The following PTPRN2 variants were observed in gnomAD, a reference collection of about 807,000 sequenced individuals.
PTPRN2 encodes receptor-type tyrosine-protein phosphatase N2.
Under a neutral mutation model 118.8 loss-of-function variants are expected in PTPRN2, and 74 were observed. The ratio of observed to expected loss-of-function variants is 0.62; its 90% confidence interval spans 0.52 to 0.76. The LOEUF (loss-of-function observed/expected upper bound fraction) is 0.76, where lower values mean the gene tolerates loss of function less well. PTPRN2 is among the 30% of genes least tolerant of loss of function. The pLI is 0.00. For synonymous variants in PTPRN2, 641 were observed against 608.0 expected, an observed-to-expected ratio of 1.05 and a Z score of -0.80; for missense variants, 1,481 against 1,394.4, an observed-to-expected ratio of 1.06 and a Z score of -0.99.
At chr7:158,253,666 C>T (rs1035088050) in intron 3 of PTPRN2, among the ~76,000 whole-genome samples, 4 of 152,134 alleles carry the variant, frequency 2.6e-5, no homozygotes, top group Middle Eastern at 3.2e-3. Flanking sequence ...GGCACACAGG[C>T]GAGGCAAGAC....
chr7:158,313,265 C>T (rs1802023100), intron 3 of PTPRN2, among the ~76,000 whole-genome samples: 1 of 152,174 alleles, frequency 6.6e-6, no homozygotes, highest in Admixed American at 6.5e-5. Context: ...ACAGGGTCGT[C>T]CTCCTGCCAC....
intron 2 of PTPRN2, among the ~76,000 whole-genome samples, chr7:158,410,749 G>C (rs77423314): frequency 6.6e-6 from 1 of 152,186 alleles, no homozygotes; most frequent in African/African-American, 2.4e-5. Context: ...TGGATCCAGG[G>C]TGGGCCCTAA....
At chr7:158,144,471 C>T (rs1206345191) in intron 6 of PTPRN2, among the ~76,000 whole-genome samples, 1 of 152,202 alleles carries the variant, frequency 6.6e-6, no homozygotes, top group East Asian at 1.9e-4. Flanking sequence ...AACTCCATCT[C>T]TACTAAAAAT....
At chr7:157,823,558 C>T (rs1806983440) in intron 12 of PTPRN2, among the ~76,000 whole-genome samples, 1 of 152,190 alleles carries the variant, frequency 6.6e-6, no homozygotes, top group South Asian at 2.1e-4. Flanking sequence ...TAGAATTGGA[C>T]TCCTAGGATC....
At chr7:158,387,834 G>A (rs1029470849) in intron 2 of PTPRN2, among the ~76,000 whole-genome samples, 7 of 152,152 alleles carry the variant, frequency 4.6e-5, no homozygotes, top group Admixed American at 6.5e-5. Flanking sequence ...ACAAGAGGCT[G>A]CAGCAGGAAC....
chr7:158,251,616 G>A (rs1585987787), intron 3 of PTPRN2, among the ~76,000 whole-genome samples: 1 of 120,486 alleles, frequency 8.3e-6, no homozygotes, highest in African/African-American at 3.3e-5. Context: ...GGCGTGTGCA[G>A]GTGTGCAATG....
intron 3 of PTPRN2, among the ~76,000 whole-genome samples, chr7:158,261,532 G>C (rs373268986): frequency 2.0e-5 from 3 of 152,180 alleles, no homozygotes; most frequent in Admixed American, 6.5e-5. Flanking sequence ...GAAGGGAAGG[G>C]ATGGCTCCCC....
chr7:157,997,513 G>A (rs2128854740), intron 11 of PTPRN2, among the ~76,000 whole-genome samples: 1 of 152,342 alleles, frequency 6.6e-6, no homozygotes, highest in East Asian at 1.9e-4. Flanking sequence ...GGGCTGGAAG[G>A]GCCACAGGTG....
At chr7:157,716,714 C>T (rs1798934127) in intron 12 of PTPRN2, among the ~76,000 whole-genome samples, 1 of 54,534 alleles carries the variant, frequency 1.8e-5, no homozygotes. Flanking sequence ...TCTGCGGGAA[C>T]ACTGCCTGGC....
At chr7:158,390,059 C>A (rs769683395) in intron 2 of PTPRN2, among the ~76,000 whole-genome samples, 3 of 152,258 alleles carry the variant, frequency 2.0e-5, no homozygotes, top group Non-Finnish European at 4.4e-5. Flanking sequence ...CAAACGTCTA[C>A]ACGATACTCA....
In PTPRN2 at chr7:157,874,510, C is replaced by T. The variant is rs369870397; in HGVS notation, c.1788+24163G>A. On this transcript the variant is annotated intron_variant, in intron 12 of 22. Coordinates refer to ENST00000389418, the MANE Select transcript of PTPRN2 (RefSeq NM_002847.5). The surrounding 1 kb of genome is among the most constrained non-coding windows in gnomAD (Gnocchi z 5.8). The stretch of plus-strand genomic sequence containing the variant: ...CATGTTCACAAGGAAGTTCATGTCC[C>T]CCTTAACTCGAGCTTTTATTTCAGT... 2.4e-4 allele frequency among the ~76,000 whole-genome samples: 36 copies of T among 152,314 alleles called. No individual in the cohort carries two copies. The highest frequency in any genetic ancestry group is 7.5e-4 in the African/African-American group (31 of 41,564).
chr7:158,052,547 T>C (rs1217033271), intron 11 of PTPRN2, among the ~76,000 whole-genome samples: 1 of 152,138 alleles, frequency 6.6e-6, no homozygotes, highest in Non-Finnish European at 1.5e-5. Context: ...CGGCCGCTGC[T>C]TTGCCTCGTG....
At chr7:157,626,921 C>G (rs1358122399) in intron 14 of PTPRN2, among the ~76,000 whole-genome samples, 1 of 152,204 alleles carries the variant, frequency 6.6e-6, no homozygotes, top group African/African-American at 2.4e-5. Flanking sequence ...TCTGGGGTTG[C>G]CCAGCAAACA....
chr7:158,072,124 G>A (rs955831990), intron 11 of PTPRN2, among the ~76,000 whole-genome samples: 16 of 148,184 alleles, frequency 1.1e-4, no homozygotes, highest in African/African-American at 3.0e-4. Flanking sequence ...GGTGGTGGAG[G>A]TGCTCATGTA....
chr7:158,447,402 A>C (rs1187435562), intron 2 of PTPRN2, among the ~76,000 whole-genome samples: 1 of 152,188 alleles, frequency 6.6e-6, no homozygotes, highest in African/African-American at 2.4e-5. Flanking sequence ...GAAGGCAGCT[A>C]ATAACCACTA....
At chr7:158,562,324 G>A (rs945614530) in intron 1 of PTPRN2, among the ~76,000 whole-genome samples, 2 of 152,088 alleles carry the variant, frequency 1.3e-5, no homozygotes, top group African/African-American at 2.4e-5. Flanking sequence ...ATCCCATCAG[G>A]AGCATCCACC....
Position 158,526,068 on chromosome 7 carries a change from G to C in PTPRN2, c.113-36283C>G, listed in dbSNP as rs530193984. On this transcript the variant is annotated intron_variant, in intron 1 of 22. Coordinates refer to ENST00000389418, the MANE Select transcript of PTPRN2 (RefSeq NM_002847.5). This position sits in a 1 kb window ranked among gnomAD's most constrained non-coding sequence, Gnocchi z 5.2. The stretch of plus-strand genomic sequence containing the variant: ...GTGCAGTCCTTCCTTCCTCAGCAGC[G>C]CTGTGTGGGAAGGGGGACTATCTGC... Among the ~76,000 whole-genome samples, 77 of 152,276 alleles carry C rather than the reference G, an allele frequency of 5.1e-4. No individual in the cohort carries two copies. Among genetic ancestry groups the C allele is most frequent in the Middle Eastern group, 6.8e-3 (2 of 294 alleles).
rs539418018 is a variant in PTPRN2, at chr7:157,881,255, T to A, written c.1788+17418A>T. On this transcript the variant is annotated intron_variant, in intron 12 of 22. Transcript: ENST00000389418. This position sits in a 1 kb window ranked among gnomAD's most constrained non-coding sequence, Gnocchi z 4.7. The stretch of plus-strand genomic sequence containing the variant: ...ATGGTAAAATGAGGTCATGATGGTA[T>A]GTGGAGATGGGGGTGTTTACAGGAG... 1.6e-4 allele frequency among the ~76,000 whole-genome samples: 24 copies of A among 151,404 alleles called. 1 individual carries two copies. The highest frequency in any genetic ancestry group is 1.5e-3 in the Admixed American group (23 of 15,252).
chr7:157,679,405 T>A (rs1053045259), intron 13 of PTPRN2, among the ~76,000 whole-genome samples: 1 of 152,154 alleles, frequency 6.6e-6, no homozygotes, highest in Non-Finnish European at 1.5e-5. Flanking sequence ...GGGGTTGATA[T>A]CCTGGTAAGT....
Sources: allele counts gnomAD v4.1 joint callset (sites outside exome capture counted in the v4.1 genomes callset), GRCh38; gene constraint gnomAD v4.1.1; non-coding constraint Gnocchi (gnomAD v3.1); transcripts MANE v1.5; gene names NCBI Gene and HGNC (gene_info 2026-07-23, HGNC 2026-07-21).